RPL28: variants seen among roughly 807,000 people sequenced by gnomAD.
RPL28 encodes large ribosomal subunit protein eL28.
In RPL28, 4 loss-of-function variants were observed where a neutral mutation model predicts 12.5. The observed-to-expected ratio is 0.32, with a 90% confidence interval of 0.16 to 0.73. The LOEUF (loss-of-function observed/expected upper bound fraction) is 0.73. Ranked by LOEUF, RPL28 falls within the 30% of genes least tolerant of loss-of-function variation. The pLI is 0.66. For synonymous variants in RPL28, 91 were observed against 72.5 expected (o/e 1.26, Z -1.30); for missense variants, 214 against 197.7 (o/e 1.08, Z -0.49).
intron 2 of RPL28, 21 bp from the exon 3 acceptor site, chr19:55,386,549 C>T (rs373743544): frequency 3.7e-6 from 6 of 1,601,846 alleles, no homozygotes; most frequent in Admixed American, 3.3e-5. Context: ...TTCACGATGC[C>T]TTGTGCCGCC....
chr19:55,398,023 C>A (rs1311133291), intron 4 of RPL28, among the ~76,000 whole-genome samples: 3 of 152,046 alleles, frequency 2.0e-5, no homozygotes, highest in African/African-American at 7.2e-5. Context: ...TGGTGAAACC[C>A]TGTCTCTACT....
At chr19:55,388,098 G>C in intron 4 of RPL28, 50 bp downstream of exon 4, 1 of 1,607,778 alleles carries the variant, frequency 6.2e-7, no homozygotes. Flanking sequence ...CAGTGCTGTG[G>C]GGAAGGGCCT....
chr19:55,387,155 C>T (rs2089939036), intron 3 of RPL28: 1 of 1,284,308 alleles, frequency 7.8e-7, no homozygotes, highest in Admixed American at 2.1e-5. Context: ...TTGGGGACCC[C>T]ACTCCATACA....
chr19:55,394,426 A>C (rs1359322133), downstream of RPL28, among the ~76,000 whole-genome samples: 1 of 151,624 alleles, frequency 6.6e-6, no homozygotes, highest in Admixed American at 6.6e-5. Context: ...CACCCAGCTA[A>C]GTTTTAAATA....
In RPL28 at chr19:55,388,375, C is replaced by T. The variant is rs1385002078; in HGVS notation, c.*43C>T. 4 of 1,438,188 alleles carry T rather than the reference C, an allele frequency of 2.8e-6. No individual in the cohort carries two copies. The highest frequency in any genetic ancestry group is 1.5e-5 in the South Asian group (1 of 66,594). The allele number at this position is 1,438,188 out of a possible 1,614,324, so 89.1% of individuals were successfully genotyped here. ...CAATAAAGTCAGCTGGCTTTCTCAC[C>T]TGCCTCGACTGGGCCTCCCTTTTTG... On this transcript the variant is annotated 3_prime_UTR_variant, in exon 5 of 5. Transcript: ENST00000344063.
intron 4 of RPL28, among the ~76,000 whole-genome samples, chr19:55,399,032 G>C (rs1198758257): frequency 6.6e-6 from 1 of 152,110 alleles, no homozygotes. Flanking sequence ...CTCTCACCCA[G>C]GCTGGAGTGC....
At chr19:55,396,663 T>C (rs1470802367), downstream of RPL28, among the ~76,000 whole-genome samples, 13 of 138,984 alleles carry the variant, frequency 9.4e-5, no homozygotes, top group Admixed American at 3.8e-4. Context: ...TCACTGCAAG[T>C]TCCACCTCCC....
chr19:55,388,823 A>C lies in RPL28; in HGVS notation c.*491A>C, dbSNP rs943402781. The C allele has an allele frequency of 2.0e-6, 2 of 988,372 alleles. No individual in the cohort carries two copies. The highest frequency in any genetic ancestry group is 3.5e-5 in the African/African-American group (2 of 57,368). The allele number at this position is 988,372 out of a possible 1,614,324, so 61.2% of individuals were successfully genotyped here. A position where few individuals can be genotyped will look rare whatever the true frequency, so the allele number is the denominator to read the frequency against. On this transcript the variant is annotated 3_prime_UTR_variant, in exon 5 of 5. Transcript: ENST00000344063. The stretch of plus-strand genomic sequence containing the variant: ...TTGCATCCAGGGAGTGGGTGCAGCC[A>C]CATTTGGAGGGGATGGGCTTTACTT...
At chr19:55,396,058 C>T (rs868119509), downstream of RPL28, among the ~76,000 whole-genome samples, 21 of 151,672 alleles carry the variant, frequency 1.4e-4, 1 homozygote, top group Admixed American at 5.9e-4. Context: ...TGCGAGGATC[C>T]CTTGAGCCCA....
At chr19:55,396,133 T>C (rs1206665851), downstream of RPL28, among the ~76,000 whole-genome samples, 1 of 151,330 alleles carries the variant, frequency 6.6e-6, no homozygotes, top group East Asian at 2.0e-4. Flanking sequence ...TAGCTGGGCG[T>C]GGTAGTGTGC....
intron 1 of RPL28, 90 bp from the exon 2 acceptor site, chr19:55,386,260 C>G: frequency 8.0e-7 from 1 of 1,243,222 alleles, no homozygotes; most frequent in East Asian, 2.5e-5. Flanking sequence ...CCCAGTCGCT[C>G]TCTTCCTCTG....
In RPL28 at chr19:55,390,134, A is replaced by T; in HGVS notation, c.*1802A>T. 1.0e-6 allele frequency: 1 copy of T among 985,412 alleles called. No individual in the cohort carries two copies. Among genetic ancestry groups the T allele is most frequent in the Non-Finnish European group, 1.2e-6 (1 of 829,968 alleles). 61.0% of individuals were successfully genotyped at this position (985,412 alleles called of 1,614,324 possible). A position where few individuals can be genotyped will look rare whatever the true frequency, so the allele number is the denominator to read the frequency against. On this transcript the variant is annotated 3_prime_UTR_variant, in exon 5 of 5. Coordinates refer to ENST00000344063, the MANE Select transcript of RPL28 (RefSeq NM_000991.5). ...GGGCAAGGGGTTTGTCTAGCACACCAGCATATAATGAGATGCTTGATGAAT... is the reference window on the plus strand; with the variant it reads ...GGGCAAGGGGTTTGTCTAGCACACCTGCATATAATGAGATGCTTGATGAAT...
chr19:55,389,729 T>G lies in RPL28; in HGVS notation c.*1397T>G. 1 of 985,652 alleles carries G rather than the reference T, an allele frequency of 1.0e-6. No individual in the cohort carries two copies. The highest frequency in any genetic ancestry group is 1.2e-6 in the Non-Finnish European group (1 of 830,094). 61.1% of individuals were successfully genotyped at this position (985,652 alleles called of 1,614,324 possible). ...CTGTCTGCTGTGAATTACCATTTCCTTTGTCCTTCCCTTAGTTGGGTCTAT... is the reference window on the plus strand; with the variant it reads ...CTGTCTGCTGTGAATTACCATTTCCGTTGTCCTTCCCTTAGTTGGGTCTAT... On this transcript the variant is annotated 3_prime_UTR_variant, in exon 5 of 5. Transcript: ENST00000344063.
intron 4 of RPL28, chr19:55,402,927 CTTTTT>C: frequency 8.7e-7 from 1 of 1,151,252 alleles, no homozygotes; most frequent in African/African-American, 1.6e-5. Flanking sequence ...ATTTGGTTAA[CTTTTT>C]TTTTTTTCAG....
rs1385072814 is a variant in RPL28, at chr19:55,390,405, A to G, written c.*2073A>G. On this transcript the variant is annotated 3_prime_UTR_variant, in exon 5 of 5. Coordinates refer to ENST00000344063, the MANE Select transcript of RPL28 (RefSeq NM_000991.5). ...TTTTTAGCAGAGATGGGGTTTCACC[A>G]TTTTGCCCAGGCTGGTTTGGAACTC... 3 of 926,750 alleles carry G rather than the reference A, an allele frequency of 3.2e-6. No individual in the cohort carries two copies. The highest frequency in any genetic ancestry group is 3.9e-6 in the Non-Finnish European group (3 of 777,320). 57.4% of individuals were successfully genotyped at this position (926,750 alleles called of 1,614,324 possible). A position where few individuals can be genotyped will look rare whatever the true frequency, so the allele number is the denominator to read the frequency against.
rs1206589070 is a variant in RPL28, at chr19:55,391,211, C to G, written c.*2879C>G. On this transcript the variant is annotated 3_prime_UTR_variant, in exon 5 of 5. Coordinates refer to ENST00000344063, the MANE Select transcript of RPL28 (RefSeq NM_000991.5). ...GTGATGCCCGGCAGCATTCCCAGCT[C>G]AGGGCTAATGGTTCACGGAAGCCAG... is the stretch of plus-strand genomic sequence containing the variant. 4.3e-6 allele frequency: 1 copy of G among 234,206 alleles called. No individual in the cohort carries two copies. The highest frequency in any genetic ancestry group is 1.1e-4 in the East Asian group (1 of 8,702). 14.5% of individuals were successfully genotyped at this position (234,206 alleles called of 1,614,324 possible). A position where few individuals can be genotyped will look rare whatever the true frequency, so the allele number is the denominator to read the frequency against.
At chr19:55,392,638 TG>T (rs1442397515), downstream of RPL28, among the ~76,000 whole-genome samples, 1 of 152,064 alleles carries the variant, frequency 6.6e-6, no homozygotes, top group Non-Finnish European at 1.5e-5. Context: ...GCCATTCTCC[TG>T]CCCCAGCCTC....
Position 55,390,834 on chromosome 19 carries a change from G to T in RPL28, c.*2502G>T, listed in dbSNP as rs554697185. Reference sequence around the variant, plus strand: ...CCCCACAGAGTTTGGAGTCCTCAGTGTGCTGAGCAAACGTGGAGACACCAT... The same window carrying T: ...CCCCACAGAGTTTGGAGTCCTCAGTTTGCTGAGCAAACGTGGAGACACCAT... On this transcript the variant is annotated 3_prime_UTR_variant, in exon 5 of 5. Transcript: ENST00000344063. 3.0e-6 allele frequency: 3 copies of T among 985,326 alleles called. No individual in the cohort carries two copies. The highest frequency in any genetic ancestry group is 3.6e-6 in the Non-Finnish European group (3 of 829,938). 61.0% of individuals were successfully genotyped at this position (985,326 alleles called of 1,614,324 possible).
intron 3 of RPL28, chr19:55,386,997 G>C: frequency 6.9e-7 from 1 of 1,442,296 alleles, no homozygotes; most frequent in East Asian, 2.5e-5. Flanking sequence ...AAGCAAGTCA[G>C]GGTGGGGATG....
Sources: gnomAD v4.1 joint callset for allele counts (sites outside exome capture counted in the v4.1 genomes callset) on GRCh38, gnomAD v4.1.1 for gene constraint, MANE v1.5 for transcripts, NCBI Gene and HGNC (gene_info 2026-07-23, HGNC 2026-07-21) for gene names.